STK32A: variants seen among roughly 807,000 people sequenced by gnomAD.
STK32A encodes serine/threonine-protein kinase 32A.
STK32A carries 41 observed loss-of-function variants against 53.2 expected under a neutral mutation model. The observed-to-expected ratio is 0.77, with a 90% CI of 0.60 to 1.00. The LOEUF is 1.00. Ranked by LOEUF, STK32A falls within the 50% of genes least tolerant of loss-of-function variation. The pLI, the probability that STK32A is intolerant of heterozygous loss-of-function variation, is 0.00. For synonymous variants in STK32A, 166 were observed against 162.8 expected (o/e 1.02, Z -0.15); for missense variants, 458 against 485.8 (o/e 0.94, Z 0.54).
At chr5:147,246,309 GA>G (rs1165228106) in intron 2 of STK32A, among the ~76,000 whole-genome samples, 12 of 152,260 alleles carry the variant, frequency 7.9e-5, no homozygotes, top group African/African-American at 2.9e-4. Flanking sequence ...AAACAAACTA[GA>G]AAGCCAGAAA....
chr5:147,388,806 T>C (rs1757731900), downstream of STK32A, among the ~76,000 whole-genome samples: 1 of 152,180 alleles, frequency 6.6e-6, no homozygotes, highest in South Asian at 2.1e-4. Flanking sequence ...TCAATGTGTA[T>C]CTTTCACCAT....
At position 147,373,165 on chromosome 5, in the gene STK32A, G is replaced by T. The variant is rs1480063976; in HGVS notation, c.778-4G>T. The T allele has an allele frequency of 1.7e-5, 27 of 1,612,490 alleles. No homozygotes were observed. The highest frequency in any genetic ancestry group is 1.3e-4 in the Admixed American group (8 of 59,900). ...TGGCCTTGATGTTTGCATTTTATTG[G>T]CAGCTACTCGAACCTAATCCAGACC... On this transcript the variant is annotated splice_polypyrimidine_tract_variant and splice_region_variant and intron_variant, in intron 9 of 12. Transcript: ENST00000397936.
intron 6 of STK32A, among the ~76,000 whole-genome samples, chr5:147,344,106 T>C (rs1293088932): frequency 1.3e-5 from 2 of 152,210 alleles, no homozygotes; most frequent in African/African-American, 4.8e-5. Context: ...TGTTATGTCT[T>C]TAGAAGGCTG....
chr5:147,312,720 G>C (rs1753764422), intron 4 of STK32A, among the ~76,000 whole-genome samples: 1 of 152,124 alleles, frequency 6.6e-6, no homozygotes, highest in African/African-American at 2.4e-5. Context: ...CTGAAAATTT[G>C]ACAACGTACT....
chr5:147,352,493 C>A (rs1003625413), intron 7 of STK32A, among the ~76,000 whole-genome samples: 1 of 152,164 alleles, frequency 6.6e-6, no homozygotes, highest in South Asian at 2.1e-4. Flanking sequence ...GTTAGCAGAA[C>A]CAGCTTTACT....
chr5:147,235,465 G>A (rs1053719944), intron 1 of STK32A, among the ~76,000 whole-genome samples: 2 of 152,192 alleles, frequency 1.3e-5, no homozygotes, highest in Non-Finnish European at 2.9e-5. Context: ...GTTTCTGCTT[G>A]TTCTCCAGCA....
At chr5:147,339,920 GC>G (rs1755322991) in intron 5 of STK32A, among the ~76,000 whole-genome samples, 1 of 152,226 alleles carries the variant, frequency 6.6e-6, no homozygotes, top group African/African-American at 2.4e-5. Context: ...GAAGGGACTT[GC>G]CTTGTCTTAG....
chr5:147,258,492 T>C (rs1253870273), intron 2 of STK32A, among the ~76,000 whole-genome samples: 11 of 152,158 alleles, frequency 7.2e-5, no homozygotes, highest in Non-Finnish European at 1.2e-4. Context: ...TTAATTACTT[T>C]TAAATTATAC....
chr5:147,291,670 A>T (rs1328949334), intron 4 of STK32A, among the ~76,000 whole-genome samples: 2 of 152,186 alleles, frequency 1.3e-5, no homozygotes, highest in Non-Finnish European at 2.9e-5. Context: ...TTGTTGTAGC[A>T]GGAAATAATT....
At chr5:147,333,544 C>A (rs1216731492) in intron 5 of STK32A, among the ~76,000 whole-genome samples, 1 of 152,126 alleles carries the variant, frequency 6.6e-6, no homozygotes, top group Non-Finnish European at 1.5e-5. Flanking sequence ...AGACACTAAG[C>A]ACCTCTGAAC....
chr5:147,264,256 G>T (rs924506313), intron 2 of STK32A, among the ~76,000 whole-genome samples: 1 of 152,136 alleles, frequency 6.6e-6, no homozygotes, highest in African/African-American at 2.4e-5. Flanking sequence ...CCTTAAAGAG[G>T]CATGAAGGAA....
At chr5:147,278,312 G>A in intron 3 of STK32A, 133 bp downstream of exon 3, 2 of 772,538 alleles carry the variant, frequency 2.6e-6, no homozygotes, top group Non-Finnish European at 4.2e-6. Context: ...TTTTTGTAAT[G>A]GATTTTTATA....
In STK32A at chr5:147,386,406, C is replaced by T. The variant is rs767246393; in HGVS notation, c.*2423C>T. 6.6e-6 allele frequency: 1 copy of T among 152,154 alleles called. No individual in the cohort carries two copies. The highest frequency in any genetic ancestry group is 1.5e-5 in the Non-Finnish European group (1 of 68,026). The allele number at this position is 152,154 out of a possible 1,614,324, so 9.4% of individuals were successfully genotyped here. A position where few individuals can be genotyped will look rare whatever the true frequency, so the allele number is the denominator to read the frequency against. On this transcript the variant is annotated 3_prime_UTR_variant, in exon 13 of 13. Coordinates refer to ENST00000397936, the MANE Select transcript of STK32A (RefSeq NM_001112724.2). ...GCTGTGGACTCACCTCCCTAAGTAA[C>T]CAGGTTCCTCCTCTCGCTGCAACCT...
At chr5:147,315,896 A>C (rs747756028) in intron 4 of STK32A, among the ~76,000 whole-genome samples, 21 of 152,142 alleles carry the variant, frequency 1.4e-4, no homozygotes, top group Non-Finnish European at 2.9e-4. Context: ...AACAAAATTA[A>C]ATCTTAAAAC....
chr5:147,276,095 T>C (rs1005117092), intron 2 of STK32A, among the ~76,000 whole-genome samples: 1 of 152,188 alleles, frequency 6.6e-6, no homozygotes, highest in Non-Finnish European at 1.5e-5. Context: ...GTCAGCTTTT[T>C]TTAACACTCT....
At chr5:147,334,033 G>A (rs1015567238) in intron 5 of STK32A, among the ~76,000 whole-genome samples, 3 of 152,092 alleles carry the variant, frequency 2.0e-5, no homozygotes, top group Admixed American at 6.5e-5. Context: ...GCAAAATCAG[G>A]AGTGCTTAAT....
the STK32A span, among the ~76,000 whole-genome samples, chr5:147,396,865 GTATA>G: frequency 0.41 from 58,540 of 144,470 alleles, 11,952 homozygotes; most frequent in East Asian, 0.55. Context: ...GTATATGTGT[GTATA>G]TATATATATA....
At chr5:147,364,181 C>T (rs1299345400) in intron 8 of STK32A, among the ~76,000 whole-genome samples, 1 of 146,198 alleles carries the variant, frequency 6.8e-6, no homozygotes, top group South Asian at 2.2e-4. Flanking sequence ...CAACATTGTA[C>T]TCCAGCCTGG....
chr5:147,321,484 T>C (rs1754319031), intron 4 of STK32A, among the ~76,000 whole-genome samples: 1 of 152,188 alleles, frequency 6.6e-6, no homozygotes, highest in South Asian at 2.1e-4. Context: ...TTAAATACAT[T>C]TATATTTCTA....
Sources: allele counts gnomAD v4.1 joint callset (sites outside exome capture counted in the v4.1 genomes callset), GRCh38; gene constraint gnomAD v4.1.1; transcripts MANE v1.5; gene names NCBI Gene and HGNC (gene_info 2026-07-23, HGNC 2026-07-21).